The following SNTG1 variants were observed in gnomAD, a reference collection of about 807,000 sequenced individuals.
SNTG1 encodes the protein gamma-1-syntrophin.
In SNTG1, 39 loss-of-function variants were observed where a neutral mutation model predicts 74.7. The ratio of observed to expected loss-of-function variants is 0.52; its 90% CI spans 0.40 to 0.68. The LOEUF (loss-of-function observed/expected upper bound fraction) is 0.68. SNTG1 is among the 30% of genes least tolerant of loss of function. The pLI, the probability that SNTG1 is intolerant of heterozygous loss-of-function variation, is 0.00. For missense variants in SNTG1, 685 were observed against 609.5 expected, an observed-to-expected ratio of 1.12 and a Z score of -1.30; for synonymous variants, 254 against 217.1, an observed-to-expected ratio of 1.17 and a Z score of -1.49.
chr8:50,451,227 T>G (rs887058289), intron 8 of SNTG1, among the ~76,000 whole-genome samples: 2 of 152,182 alleles, frequency 1.3e-5, no homozygotes, highest in Non-Finnish European at 2.9e-5. Context: ...TAATGACTAT[T>G]ACATAGTATT....
intron 2 of SNTG1, among the ~76,000 whole-genome samples, chr8:50,294,675 G>A (rs2089281451): frequency 1.3e-5 from 2 of 152,144 alleles, no homozygotes; most frequent in African/African-American, 4.8e-5. Flanking sequence ...TTTCCCCAGA[G>A]TCCACAGATT....
chr8:49,968,403 A>G (rs1481823896), intron 1 of SNTG1, among the ~76,000 whole-genome samples: 1 of 152,186 alleles, frequency 6.6e-6, no homozygotes, highest in Non-Finnish European at 1.5e-5. Context: ...TTACCAATAA[A>G]GAACACAAGC....
chr8:50,046,241 C>T (rs1819072208), intron 1 of SNTG1, among the ~76,000 whole-genome samples: 1 of 152,096 alleles, frequency 6.6e-6, no homozygotes, highest in African/African-American at 2.4e-5. Context: ...AGATTTGGTG[C>T]CAGGACTGGA....
intron 4 of SNTG1, among the ~76,000 whole-genome samples, chr8:50,425,385 A>T (rs1331049357): frequency 6.6e-6 from 1 of 152,032 alleles, no homozygotes; most frequent in Non-Finnish European, 1.5e-5. Flanking sequence ...TATGAATTGC[A>T]CACGCCAGGG....
intron 1 of SNTG1, among the ~76,000 whole-genome samples, chr8:49,938,603 T>TTTTCTTTCTTTCTTTCTTTCTTTC: frequency 0.027 from 2,012 of 74,680 alleles, 193 homozygotes; most frequent in Non-Finnish European, 0.037. Context: ...TTTTCTTTTC[T>TTTTCTTTCTTTCTTTCTTTCTTTC]TTTCTTTCTT....
chr8:50,326,669 A>G (rs2090763020), intron 2 of SNTG1, among the ~76,000 whole-genome samples: 1 of 142,904 alleles, frequency 7.0e-6, no homozygotes, highest in South Asian at 2.2e-4. Context: ...AATTTTCTCT[A>G]TTGATTTTTT....
chr8:50,164,167 G>A (rs2082530848), intron 1 of SNTG1: 2 of 128,716 alleles, frequency 1.6e-5, no homozygotes, highest in Non-Finnish European at 3.1e-5. Context: ...ATGGTCAGAA[G>A]TAAAAATGAA....
At chr8:50,115,576 A>AAAAAAAAAAAAAAAAAAAAAC (rs1482375164) in intron 1 of SNTG1, among the ~76,000 whole-genome samples, 18,674 of 81,436 alleles carry the variant, frequency 0.23, 3,912 homozygotes, top group East Asian at 0.42. Context: ...TCAAAAAAAA[A>AAAAAAAAAAAAAAAAAAAAAC]AAAAAAAAAA....
chr8:50,513,901 C>T (rs2094108884), intron 9 of SNTG1, among the ~76,000 whole-genome samples: 1 of 152,190 alleles, frequency 6.6e-6, no homozygotes, highest in South Asian at 2.1e-4. Context: ...AGCTCACGCT[C>T]AGTGCACTGC....
At chr8:50,499,435 T>TTC (rs201231306) in intron 8 of SNTG1, among the ~76,000 whole-genome samples, 1 of 150,820 alleles carries the variant, frequency 6.6e-6, no homozygotes, top group Non-Finnish European at 1.5e-5. Flanking sequence ...TTTTTTTTTT[T>TTC]GGTAGATTCT....
chr8:50,763,684 G>GTGTGTGTGTGTT (rs1398306642), intron 18 of SNTG1, among the ~76,000 whole-genome samples: 2 of 148,812 alleles, frequency 1.3e-5, no homozygotes, highest in African/African-American at 5.0e-5. Flanking sequence ...GTGTGTGTGT[G>GTGTGTGTGTGTT]TGTGTGTGGT....
chr8:50,684,137 CTGTT>C (rs897966243), intron 15 of SNTG1, among the ~76,000 whole-genome samples: 17 of 152,172 alleles, frequency 1.1e-4, no homozygotes, highest in Non-Finnish European at 2.4e-4. Flanking sequence ...ATAATTCCTA[CTGTT>C]TGTGACCCTC....
At chr8:50,594,673 A>T (rs1220704215) in intron 13 of SNTG1, among the ~76,000 whole-genome samples, 2 of 152,152 alleles carry the variant, frequency 1.3e-5, no homozygotes, top group Non-Finnish European at 2.9e-5. Context: ...ATTACAGGAC[A>T]CTTTAAAAAT....
intron 4 of SNTG1, among the ~76,000 whole-genome samples, chr8:50,432,611 A>G (rs2093250620): frequency 1.3e-5 from 2 of 152,136 alleles, no homozygotes; most frequent in South Asian, 4.1e-4. Flanking sequence ...GAAAGGAATG[A>G]CATCTTAAAA....
chr8:50,408,430 T>C (rs2092907086), intron 4 of SNTG1, among the ~76,000 whole-genome samples: 1 of 152,170 alleles, frequency 6.6e-6, no homozygotes, highest in African/African-American at 2.4e-5. Context: ...ATTGTTATAA[T>C]TGTGCAAAAG....
Position 50,772,837 on chromosome 8 carries a change from T to C in SNTG1, c.1396-19834T>C, listed in dbSNP as rs533544824. 4.6e-5 allele frequency among the ~76,000 whole-genome samples: 7 copies of C among 152,228 alleles called. No homozygotes were observed. In the East Asian group the frequency reaches 1.4e-3, roughly 30 times the overall value. ...GAGATCTTACTCTTGTGGAAATGCA[T>C]TATTTCCCACAGGAGTGGTTTGTTA... is the stretch of plus-strand genomic sequence containing the variant. On this transcript the variant is annotated intron_variant, in intron 18 of 18. Coordinates refer to ENST00000642720, the MANE Select transcript of SNTG1 (RefSeq NM_018967.5).
intron 1 of SNTG1, among the ~76,000 whole-genome samples, chr8:50,130,947 C>T (rs1287186955): frequency 6.6e-6 from 1 of 151,984 alleles, no homozygotes; most frequent in African/African-American, 2.4e-5. Flanking sequence ...TATTCATTGA[C>T]TGTAAACTTG....
rs150495743 is a variant in SNTG1, at chr8:50,427,870, C to A, written c.163-10673C>A. On this transcript the variant is annotated intron_variant, in intron 4 of 18. Coordinates refer to ENST00000642720, the MANE Select transcript of SNTG1 (RefSeq NM_018967.5). ...ATGATTTGAATTAGTGAATCTTTGTCTCACACAGCCTTTTAAATATATATT... is the reference window on the plus strand; with the variant it reads ...ATGATTTGAATTAGTGAATCTTTGTATCACACAGCCTTTTAAATATATATT... 1.5e-3 allele frequency among the ~76,000 whole-genome samples: 231 copies of A among 152,330 alleles called. 2 individuals carry two copies. Among genetic ancestry groups the A allele is most frequent in the Middle Eastern group, 0.01 (3 of 294 alleles).
intron 1 of SNTG1, among the ~76,000 whole-genome samples, chr8:50,087,424 T>A (rs1407156204): frequency 6.6e-6 from 1 of 152,156 alleles, no homozygotes; most frequent in Non-Finnish European, 1.5e-5. Flanking sequence ...ATGCCATGTA[T>A]AAATATTTGT....
Sources: gnomAD v4.1 joint callset for allele counts (sites outside exome capture counted in the v4.1 genomes callset) on GRCh38, gnomAD v4.1.1 for gene constraint, MANE v1.5 for transcripts, NCBI Gene and HGNC (gene_info 2026-07-23, HGNC 2026-07-21) for gene names.